ANK1: variants seen among roughly 807,000 people sequenced by gnomAD.
ANK1 encodes the protein ankyrin 1.
Under a neutral mutation model 210.4 loss-of-function variants are expected in ANK1, and 51 were observed. That is an observed-to-expected ratio of 0.24 (90% CI 0.19 to 0.31). The LOEUF (loss-of-function observed/expected upper bound fraction) is 0.31. Among genes scored for constraint, ANK1 ranks in the 10% least tolerant of loss-of-function variants. The pLI, the probability that ANK1 is intolerant of heterozygous loss-of-function variation, is 1.00. For missense variants in ANK1, 2,051 were observed against 2,504.4 expected (o/e 0.82, Z 3.86); for synonymous variants, 967 against 1,025.9 (o/e 0.94, Z 1.10).
In ANK1 at chr8:41,724,689, T is replaced by A. The variant is rs555543659; in HGVS notation, c.613-135A>T. ...AGGAGATTTTGATGGGTGGGAACATTTGGTGAGGGGGTCAAGAGAGGCTTT... is the reference window on the plus strand; with the variant it reads ...AGGAGATTTTGATGGGTGGGAACATATGGTGAGGGGGTCAAGAGAGGCTTT... On this transcript the variant is annotated intron_variant, in intron 6 of 42. Transcript: ENST00000289734. 1.2e-5 allele frequency: 10 copies of A among 820,930 alleles called. No individual in the cohort carries two copies. In the African/African-American group the frequency reaches 1.3e-4, roughly 11 times the overall value. The allele number at this position is 820,930 out of a possible 1,614,324, so 50.9% of individuals were successfully genotyped here.
chr8:41,784,526 T>C lies in ANK1; in HGVS notation c.27+12986A>G, dbSNP rs549827884. Among the ~76,000 whole-genome samples the C allele has an allele frequency of 4.6e-5, 7 of 152,376 alleles. No individual in the cohort carries two copies. In the East Asian group the frequency reaches 1.3e-3, roughly 29 times the overall value. Reference sequence around the variant, plus strand: ...ACATTTTTCAGGTAATTGATGTTTGTCATTAAATTCACTGACAAATATGAA... The same window carrying C: ...ACATTTTTCAGGTAATTGATGTTTGCCATTAAATTCACTGACAAATATGAA... On this transcript the variant is annotated intron_variant, in intron 1 of 42. Transcript: ENST00000289734.
intron 1 of ANK1, among the ~76,000 whole-genome samples, chr8:41,861,181 A>G (rs1813202179): frequency 6.6e-6 from 1 of 152,174 alleles, no homozygotes; most frequent in African/African-American, 2.4e-5. Flanking sequence ...GGACAAGGAG[A>G]GCAACACTAG....
chr8:41,799,452 C>T (rs560187113), upstream of ANK1, among the ~76,000 whole-genome samples: 3 of 152,152 alleles, frequency 2.0e-5, no homozygotes, highest in Admixed American at 1.3e-4. Flanking sequence ...GTGACGAAAG[C>T]TAGAAGCCGT....
At chr8:41,881,464 G>A (rs146070199) in intron 1 of ANK1, among the ~76,000 whole-genome samples, 143 of 152,216 alleles carry the variant, frequency 9.4e-4, no homozygotes, top group African/African-American at 3.2e-3. Flanking sequence ...GTTCTGTTTC[G>A]GGAATACATG....
Position 41,725,661 on chromosome 8 carries a change from C to T in ANK1, c.612+100G>A, listed in dbSNP as rs1343036049. On this transcript the variant is annotated intron_variant, in intron 6 of 42. Coordinates refer to ENST00000289734, the MANE Select transcript of ANK1 (RefSeq NM_000037.4). ...CTCAGTGCGCACTGCCCGCCCTGCA[C>T]GCTCGGTTCTCCTGCCTGGGAAGTC... is the stretch of plus-strand genomic sequence containing the variant. 7.4e-6 allele frequency: 11 copies of T among 1,495,974 alleles called. No individual in the cohort carries two copies. The East Asian group carries it at 7.4e-5, about 10-fold the overall frequency. The allele number at this position is 1,495,974 out of a possible 1,614,324, so 92.7% of individuals were successfully genotyped here. A position where few individuals can be genotyped will look rare whatever the true frequency, so the allele number is the denominator to read the frequency against.
At chr8:41,739,015 T>C (rs1163551750) in intron 2 of ANK1, among the ~76,000 whole-genome samples, 1 of 152,240 alleles carries the variant, frequency 6.6e-6, no homozygotes, top group African/African-American at 2.4e-5. Context: ...TTTAACCATA[T>C]GGCTTTCCCT....
In ANK1 at chr8:41,708,834, C is replaced by T. The variant is rs1486126103; in HGVS notation, c.1942G>A (p.Ala648Thr). 2.9e-5 allele frequency: 46 copies of T among 1,613,914 alleles called. No homozygotes were observed. The highest frequency in any genetic ancestry group is 3.4e-5 in the Non-Finnish European group (40 of 1,180,052). Residue 648 changes from alanine to threonine, a missense_variant, in exon 17 of 43, where the codon GCA becomes ACA. Coordinates refer to ENST00000289734, the MANE Select transcript of ANK1 (RefSeq NM_000037.4). ...GAGAGCAGCAGAGCCACCATCTCTG[C>T]GTGGCCCTCCTGGGCGGCCAGGTGA... ...PLHLAAQEGHAEMVALLLSKQ... is the reference protein window; with the variant it reads ...PLHLAAQEGHTEMVALLLSKQ...
chr8:41,798,727 G>A (rs1849326465), upstream of ANK1, among the ~76,000 whole-genome samples: 1 of 152,110 alleles, frequency 6.6e-6, no homozygotes, highest in Non-Finnish European at 1.5e-5. Flanking sequence ...ATTAAGGTGG[G>A]GGCTGTCTCC....
At chr8:41,862,371 G>C (rs995632190) in intron 1 of ANK1, among the ~76,000 whole-genome samples, 1 of 152,158 alleles carries the variant, frequency 6.6e-6, no homozygotes, top group African/African-American at 2.4e-5. Context: ...GGAAGGCAGG[G>C]AGCACCTCCC....
chr8:41,749,972 T>C (rs1261487546), intron 2 of ANK1, among the ~76,000 whole-genome samples: 1 of 152,200 alleles, frequency 6.6e-6, no homozygotes, highest in Non-Finnish European at 1.5e-5. Context: ...TAAGATGATA[T>C]TCAGAAGTAA....
intron 39 of ANK1, 79 bp from the exon 40 acceptor site, chr8:41,663,821 A>T: frequency 8.6e-6 from 10 of 1,164,074 alleles, no homozygotes; most frequent in Non-Finnish European, 1.3e-5. Flanking sequence ...AGGAAATGAA[A>T]CAGCAGTAGC....
chr8:41,852,738 G>T (rs976614139), intron 1 of ANK1, among the ~76,000 whole-genome samples: 13 of 152,230 alleles, frequency 8.5e-5, no homozygotes, highest in African/African-American at 3.1e-4. Context: ...TGACGCCACT[G>T]GTGGGTGTTG....
intron 13 of ANK1, among the ~76,000 whole-genome samples, chr8:41,716,713 C>A (rs1221368510): frequency 1.3e-5 from 2 of 152,210 alleles, no homozygotes; most frequent in African/African-American, 4.8e-5. Flanking sequence ...CATACTCAGG[C>A]CAGCCACGCA....
At chr8:41,726,017 T>A (rs1830613050) in intron 5 of ANK1, 71 bp from the exon 6 acceptor site, 1 of 1,544,858 alleles carries the variant, frequency 6.5e-7, no homozygotes, top group East Asian at 2.3e-5. Context: ...GGACACACCC[T>A]TGCCCCTCGG....
intron 1 of ANK1, among the ~76,000 whole-genome samples, chr8:41,773,848 G>T (rs1180577433): frequency 6.6e-6 from 1 of 152,174 alleles, no homozygotes; most frequent in Non-Finnish European, 1.5e-5. Flanking sequence ...CGGTGCTGGA[G>T]AAGGATGGGG....
intron 1 of ANK1, among the ~76,000 whole-genome samples, chr8:41,778,549 G>C (rs1047281466): frequency 1.3e-5 from 2 of 152,228 alleles, no homozygotes; most frequent in African/African-American, 4.8e-5. Context: ...GAGAACACAG[G>C]CTTCCTGACC....
At chr8:41,679,184 T>C (rs1032566256) in intron 37 of ANK1, among the ~76,000 whole-genome samples, 44 of 152,248 alleles carry the variant, frequency 2.9e-4, no homozygotes, top group African/African-American at 1.0e-3. Context: ...CCTCTTTGTG[T>C]GTCTGATTAC....
chr8:41,693,265 A>C (rs550804700), intron 29 of ANK1, 64 bp from the exon 30 acceptor site: 1 of 1,407,670 alleles, frequency 7.1e-7, no homozygotes, highest in East Asian at 2.3e-5. Flanking sequence ...AGCTTACTAA[A>C]ATGCTAAGGC....
Position 41,715,640 on chromosome 8 carries a change from G to T in ANK1, c.1602+12C>A. 6.2e-7 allele frequency: 1 copy of T among 1,612,546 alleles called. No homozygotes were observed. The highest frequency in any genetic ancestry group is 8.5e-7 in the Non-Finnish European group (1 of 1,179,894). The stretch of plus-strand genomic sequence containing the variant: ...CTGTTGCTTCCTTAGACCACGAGGC[G>T]GGAGGCTGTACCTTGGTCATGCAGG... On this transcript the variant is annotated intron_variant, in intron 14 of 42. Transcript: ENST00000289734.
Sources: allele counts gnomAD v4.1 joint callset (sites outside exome capture counted in the v4.1 genomes callset), GRCh38; gene constraint gnomAD v4.1.1; transcripts MANE v1.5; gene names NCBI Gene and HGNC (gene_info 2026-07-23, HGNC 2026-07-21).